Variants in CFAP20DC observed in about 807,000 individuals in gnomAD.
CFAP20DC encodes protein CFAP20DC.
In CFAP20DC, 84 loss-of-function variants were observed where a neutral mutation model predicts 101.7. The observed-to-expected ratio is 0.83, with a 90% confidence interval of 0.69 to 0.99. The LOEUF (loss-of-function observed/expected upper bound fraction) is 0.99, where lower values mean the gene tolerates loss of function less well. Among genes scored for constraint, CFAP20DC ranks in the 50% least tolerant of loss-of-function variants. The pLI, the probability that CFAP20DC is intolerant of heterozygous loss-of-function variation, is 0.00. For synonymous variants in CFAP20DC, 359 were observed against 351.2 expected, an observed-to-expected ratio of 1.02 and a Z score of -0.25; for missense variants, 1,007 against 970.3, an observed-to-expected ratio of 1.04 and a Z score of -0.50.
intron 3 of CFAP20DC, among the ~76,000 whole-genome samples, chr3:59,042,694 A>G (rs1318578769): frequency 6.6e-6 from 1 of 152,152 alleles, no homozygotes; most frequent in Non-Finnish European, 1.5e-5. Context: ...CTTACAATTT[A>G]AAAGTATTAC....
Position 58,834,422 on chromosome 3 carries a change from C to T in CFAP20DC, c.1972-2533G>A, listed in dbSNP as rs139002008. The stretch of plus-strand genomic sequence containing the variant: ...GAAAAACACATTTTATTTTAATTTT[C>T]ATAATTTTTCTTAAGAAGAAAGCTT... On this transcript the variant is annotated intron_variant, in intron 13 of 16. Coordinates refer to ENST00000482387, the MANE Select transcript of CFAP20DC (RefSeq NM_001394063.1). Among the ~76,000 whole-genome samples, 27 of 152,232 alleles carry T rather than the reference C, an allele frequency of 1.8e-4. No individual in the cohort carries two copies. In the East Asian group the frequency reaches 5.0e-3, roughly 28 times the overall value.
At chr3:58,851,717 G>A (rs1024955648) in intron 12 of CFAP20DC, among the ~76,000 whole-genome samples, 12 of 151,850 alleles carry the variant, frequency 7.9e-5, no homozygotes, top group East Asian at 5.8e-4. Context: ...TAACCACGTC[G>A]ATGTACTCTT....
At chr3:58,765,727 C>T (rs1428346991) in intron 15 of CFAP20DC, among the ~76,000 whole-genome samples, 2 of 152,052 alleles carry the variant, frequency 1.3e-5, no homozygotes, top group Non-Finnish European at 2.9e-5. Flanking sequence ...CACTGGGGAT[C>T]TTATATTAGG....
intron 15 of CFAP20DC, among the ~76,000 whole-genome samples, chr3:58,798,048 A>G (rs1017452443): frequency 2.0e-5 from 3 of 152,204 alleles, no homozygotes; most frequent in Non-Finnish European, 4.4e-5. Context: ...AAGATGTACA[A>G]GGAGATGAAT....
At chr3:58,801,446 G>C (rs1176440083) in intron 15 of CFAP20DC, among the ~76,000 whole-genome samples, 1 of 152,130 alleles carries the variant, frequency 6.6e-6, no homozygotes, top group Non-Finnish European at 1.5e-5. Flanking sequence ...AGGACTATTT[G>C]TTAAAAATTC....
intron 4 of CFAP20DC, among the ~76,000 whole-genome samples, chr3:58,953,133 C>T (rs558088258): frequency 3.9e-5 from 6 of 152,026 alleles, no homozygotes; most frequent in African/African-American, 4.8e-5. Flanking sequence ...CATAAGGCAA[C>T]GTTTAAGCTG....
intron 12 of CFAP20DC, among the ~76,000 whole-genome samples, chr3:58,849,761 T>C (rs2078059518): frequency 6.6e-6 from 1 of 152,164 alleles, no homozygotes; most frequent in Non-Finnish European, 1.5e-5. Flanking sequence ...AAGAATCGTA[T>C]ACTTTGACTT....
At chr3:58,851,265 G>C (rs1409982470) in intron 12 of CFAP20DC, among the ~76,000 whole-genome samples, 18 of 152,142 alleles carry the variant, frequency 1.2e-4, no homozygotes, top group Admixed American at 1.2e-3. Context: ...TGGAGTGTCT[G>C]GGTTGGCTTG....
Position 58,890,669 on chromosome 3 carries a change from G to A in CFAP20DC, c.551-5960C>T, listed in dbSNP as rs555456583. On this transcript the variant is annotated intron_variant, in intron 6 of 16. Transcript: ENST00000482387. The stretch of plus-strand genomic sequence containing the variant: ...GGCGGAGGGGCTCCTCTTTTCAGAC[G>A]GGGTGGTTGCCAGGCAGAGGGTCTC... Among the ~76,000 whole-genome samples the A allele has an allele frequency of 1.3e-4, 20 of 148,636 alleles. 1 individual carries two copies. The South Asian group carries it at 3.2e-3, about 24-fold the overall frequency.
chr3:58,941,570 CT>C (rs1364251830), intron 4 of CFAP20DC, among the ~76,000 whole-genome samples: 1 of 151,440 alleles, frequency 6.6e-6, no homozygotes. Context: ...ACTTTCATTT[CT>C]TTTTCTTTTT....
intron 4 of CFAP20DC, among the ~76,000 whole-genome samples, chr3:58,948,498 CA>C: frequency 6.6e-6 from 1 of 152,294 alleles, no homozygotes; most frequent in African/African-American, 2.4e-5. Flanking sequence ...TGCAAATATG[CA>C]CATCTTTTCC....
chr3:58,784,104 G>A (rs1220240836), intron 15 of CFAP20DC, among the ~76,000 whole-genome samples: 1 of 151,722 alleles, frequency 6.6e-6, no homozygotes, highest in Non-Finnish European at 1.5e-5. Flanking sequence ...TGCGGCAGCA[G>A]TGTGATCTTG....
At chr3:58,922,564 T>C (rs1205909609) in intron 5 of CFAP20DC, among the ~76,000 whole-genome samples, 2 of 152,176 alleles carry the variant, frequency 1.3e-5, no homozygotes, top group African/African-American at 2.4e-5. Context: ...ATGCCTCCTC[T>C]TTCTTTCTCT....
chr3:58,953,827 A>G (rs912694438), intron 4 of CFAP20DC: 5 of 152,178 alleles, frequency 3.3e-5, no homozygotes, highest in Non-Finnish European at 5.9e-5. Context: ...GTAACCTAAC[A>G]AAGAAGAAAG....
chr3:58,961,520 C>G (rs1431143668), intron 4 of CFAP20DC, among the ~76,000 whole-genome samples: 1 of 152,092 alleles, frequency 6.6e-6, no homozygotes, highest in African/African-American at 2.4e-5. Flanking sequence ...CGCCACTGCA[C>G]TCCAGCCTGG....
intron 15 of CFAP20DC, chr3:58,794,313 T>C: frequency 4.4e-6 from 2 of 455,408 alleles, no homozygotes; most frequent in Non-Finnish European, 8.8e-6. Flanking sequence ...TCTTAATGGA[T>C]GGCAAAGGAC....
In CFAP20DC at chr3:58,729,992, T is replaced by C. The variant is rs1575516963; in HGVS notation, c.198-12364A>G. Among the ~76,000 whole-genome samples, 1 of 128,830 alleles carries C rather than the reference T, an allele frequency of 7.8e-6. No individual in the cohort carries two copies. The highest frequency in any genetic ancestry group is 1.6e-5 in the Non-Finnish European group (1 of 64,206). 84.5% of individuals were successfully genotyped at this position (128,830 alleles called of 152,430 possible). On this transcript the variant is annotated intron_variant, in intron 3 of 3. Coordinates refer to the CFAP20DC transcript ENST00000486145. The surrounding 1 kb of genome is among the most constrained non-coding windows in gnomAD (Gnocchi z 4.4). The stretch of plus-strand genomic sequence containing the variant: ...GAGATCACGCCATTGCATTCCAGCC[T>C]GGGCAATGAGAGCGAAACCTGTCTC...
In CFAP20DC at chr3:58,936,110, G is replaced by A. The variant is rs1384539883; in HGVS notation, c.393+1538C>T. Reference sequence around the variant, plus strand: ...CAAACAACCCCATCAAAAAGTGGGCGAAGGACATGAACAGACACTTCTCAA... The same window carrying A: ...CAAACAACCCCATCAAAAAGTGGGCAAAGGACATGAACAGACACTTCTCAA... On this transcript the variant is annotated intron_variant, in intron 5 of 16. Coordinates refer to ENST00000482387, the MANE Select transcript of CFAP20DC (RefSeq NM_001394063.1). Among the ~76,000 whole-genome samples the A allele has an allele frequency of 2.9e-3, 441 of 152,096 alleles. 2 individuals are homozygous for A. The highest frequency in any genetic ancestry group is 9.7e-3 in the African/African-American group (404 of 41,502).
rs12637981 is a variant in CFAP20DC at position 58,877,072 on chromosome 3, G to A, written c.716-6763C>T. Among the ~76,000 whole-genome samples the A allele has an allele frequency of 2.7e-4, 41 of 152,274 alleles. No individual in the cohort carries two copies. In the East Asian group the frequency reaches 7.3e-3, roughly 27 times the overall value. ...CAATGCATGTAACATGTTAAACACT[G>A]TGCCCAGTAGGGAGTAATGCTATTA... On this transcript the variant is annotated intron_variant, in intron 7 of 16. Coordinates refer to ENST00000482387, the MANE Select transcript of CFAP20DC (RefSeq NM_001394063.1).
Sources: allele counts gnomAD v4.1 joint callset (sites outside exome capture counted in the v4.1 genomes callset), GRCh38; gene constraint gnomAD v4.1.1; non-coding constraint Gnocchi (gnomAD v3.1); transcripts MANE v1.5; gene names NCBI Gene and HGNC (gene_info 2026-07-23, HGNC 2026-07-21).